The following KPNA1 variants were observed in gnomAD, a reference collection of about 807,000 sequenced individuals.
KPNA1 encodes importin subunit alpha-5.
Under a neutral mutation model 70.5 loss-of-function variants are expected in KPNA1, and 10 were observed. The ratio of observed to expected loss-of-function variants is 0.14; its 90% CI spans 0.09 to 0.24. The LOEUF (loss-of-function observed/expected upper bound fraction) is 0.24, where lower values mean the gene tolerates loss of function less well. KPNA1 is among the 10% of genes least tolerant of loss of function. The probability of loss-of-function intolerance (pLI) is 1.00; values close to 1 mark genes in which losing one functional copy is unlikely to be tolerated. For synonymous variants in KPNA1, 192 were observed against 221.9 expected (o/e 0.87, Z 1.20); for missense variants, 397 against 637.9 (o/e 0.62, Z 4.07).
At chr3:122,429,834 A>C (rs375974860) in intron 12 of KPNA1, among the ~76,000 whole-genome samples, 6 of 152,338 alleles carry the variant, frequency 3.9e-5, no homozygotes, top group East Asian at 1.9e-4. Flanking sequence ...GAAAGAACAA[A>C]CAAAAAACCA....
At chr3:122,501,158 A>C (rs1317336361) in intron 1 of KPNA1, among the ~76,000 whole-genome samples, 1 of 150,758 alleles carries the variant, frequency 6.6e-6, no homozygotes, top group Admixed American at 6.6e-5. Flanking sequence ...CCTTCCAAGT[A>C]GCTAGGGTTA....
chr3:122,454,691 A>G (rs755125708), intron 5 of KPNA1, among the ~76,000 whole-genome samples: 6 of 152,196 alleles, frequency 3.9e-5, no homozygotes, highest in Non-Finnish European at 5.9e-5. Context: ...AAAAGAAATG[A>G]CAACTTCAAA....
In KPNA1 at chr3:122,423,534, T is replaced by C. The variant is rs1244171514; in HGVS notation, c.*3451A>G. 6.6e-6 allele frequency: 1 copy of C among 152,574 alleles called. No individual in the cohort carries two copies. The highest frequency in any genetic ancestry group is 1.5e-5 in the Non-Finnish European group (1 of 68,008). 9.5% of individuals were successfully genotyped at this position (152,574 alleles called of 1,614,324 possible). On this transcript the variant is annotated 3_prime_UTR_variant, in exon 14 of 14. Coordinates refer to ENST00000344337, the MANE Select transcript of KPNA1 (RefSeq NM_002264.4). ...AAAGTTATAATGATTTGCCTATTGA[T>C]ATAAAAATTTTCACAAAACTAGCGA...
At chr3:122,451,943 GAAAA>G (rs750175433) in intron 7 of KPNA1, 29 bp downstream of exon 7, 6 of 1,299,602 alleles carry the variant, frequency 4.6e-6, no homozygotes, top group South Asian at 1.3e-5. Flanking sequence ...TTCTCAAAAA[GAAAA>G]AAAAAGGAAG....
chr3:122,466,961 A>C (rs2076386652), intron 3 of KPNA1, among the ~76,000 whole-genome samples: 1 of 151,894 alleles, frequency 6.6e-6, no homozygotes, highest in South Asian at 2.1e-4. Flanking sequence ...CGATTGCGCC[A>C]CTGCACTCCA....
At chr3:122,504,350 G>A (rs1421811357) in intron 1 of KPNA1, among the ~76,000 whole-genome samples, 1 of 152,146 alleles carries the variant, frequency 6.6e-6, no homozygotes. Context: ...GGAGCTCTCT[G>A]TGATCTCGTG....
rs1385606967 is a variant in KPNA1 at position 122,514,753 on chromosome 3, T to A, written c.-6+4A>T. On this transcript the variant is annotated splice_donor_region_variant and intron_variant, in intron 1 of 13. Coordinates refer to ENST00000344337, the MANE Select transcript of KPNA1 (RefSeq NM_002264.4). ...GGCCGGGGCCGCAAGGCCCCAGCAC[T>A]CACCAGGCTCAAGGCAACCGATCCC... The A allele has an allele frequency of 1.3e-5, 2 of 151,984 alleles. No individual in the cohort carries two copies. The highest frequency in any genetic ancestry group is 2.9e-5 in the Non-Finnish European group (2 of 68,274). The allele number at this position is 151,984 out of a possible 1,614,324, so 9.4% of individuals were successfully genotyped here.
chr3:122,504,652 G>A (rs932013718), intron 1 of KPNA1, among the ~76,000 whole-genome samples: 1 of 152,136 alleles, frequency 6.6e-6, no homozygotes, highest in African/African-American at 2.4e-5. Context: ...GTGTGTGCGT[G>A]TGTCTGCGCA....
chr3:122,434,559 C>T (rs1314966773), intron 11 of KPNA1, among the ~76,000 whole-genome samples: 4 of 152,098 alleles, frequency 2.6e-5, no homozygotes, highest in Admixed American at 1.3e-4. Context: ...CCTTTTAAAC[C>T]CCTCTAGTTC....
At chr3:122,497,522 C>G (rs1360344997) in intron 1 of KPNA1, among the ~76,000 whole-genome samples, 1 of 152,150 alleles carries the variant, frequency 6.6e-6, no homozygotes, top group Non-Finnish European at 1.5e-5. Context: ...GTGGCTGTGC[C>G]ATTTTATATT....
At chr3:122,474,227 T>A (rs2076473846) in intron 2 of KPNA1, among the ~76,000 whole-genome samples, 1 of 152,144 alleles carries the variant, frequency 6.6e-6, no homozygotes, top group South Asian at 2.1e-4. Flanking sequence ...GAGGTATTAT[T>A]CCTATCTATA....
chr3:122,500,183 G>A (rs932340488), intron 1 of KPNA1, among the ~76,000 whole-genome samples: 17 of 152,078 alleles, frequency 1.1e-4, no homozygotes, highest in African/African-American at 3.9e-4. Flanking sequence ...GTGCAGTGGC[G>A]TAATCTCGGC....
At chr3:122,464,126 T>G in intron 3 of KPNA1, 85 bp from the exon 4 acceptor site, 1 of 629,128 alleles carries the variant, frequency 1.6e-6, no homozygotes, top group South Asian at 3.1e-5. Context: ...ATGGCCAAGT[T>G]ATTAAGTTAA....
chr3:122,446,859 A>G (rs1190376054), intron 9 of KPNA1, among the ~76,000 whole-genome samples: 1 of 152,258 alleles, frequency 6.6e-6, no homozygotes, highest in Non-Finnish European at 1.5e-5. Flanking sequence ...TCCCACAGAA[A>G]TACAAACTAC....
At chr3:122,451,766 T>A in intron 7 of KPNA1, 133 bp from the exon 8 acceptor site, 1 of 710,462 alleles carries the variant, frequency 1.4e-6, no homozygotes, top group Non-Finnish European at 2.3e-6. Flanking sequence ...AAAACTTCAT[T>A]AATTCTGATG....
chr3:122,429,965 TG>T (rs2075879088), intron 12 of KPNA1, among the ~76,000 whole-genome samples: 1 of 152,172 alleles, frequency 6.6e-6, no homozygotes, highest in African/African-American at 2.4e-5. Flanking sequence ...CATTCATTCA[TG>T]TATGTCTGAC....
chr3:122,510,157 T>C (rs1576354829), intron 1 of KPNA1, among the ~76,000 whole-genome samples: 2 of 152,218 alleles, frequency 1.3e-5, no homozygotes, highest in African/African-American at 4.8e-5. Flanking sequence ...AATAAAGATT[T>C]TTTTCAGTCA....
chr3:122,452,592 A>G (rs548940392), intron 6 of KPNA1, among the ~76,000 whole-genome samples: 1 of 74,638 alleles, frequency 1.3e-5, no homozygotes. Flanking sequence ...GAAGGAAGGA[A>G]GGAAGGAAGG....
intron 6 of KPNA1, among the ~76,000 whole-genome samples, chr3:122,452,472 G>A (rs1000332744): frequency 6.8e-6 from 1 of 146,244 alleles, no homozygotes; most frequent in African/African-American, 2.5e-5. Flanking sequence ...TTGAGCCAAT[G>A]CACTCCAGCC....
Sources: allele counts gnomAD v4.1 joint callset (sites outside exome capture counted in the v4.1 genomes callset), GRCh38; gene constraint gnomAD v4.1.1; transcripts MANE v1.5; gene names NCBI Gene and HGNC (gene_info 2026-07-23, HGNC 2026-07-21).